Variants in FAT3 observed in about 807,000 individuals in gnomAD.
The protein encoded by FAT3 is protocadherin Fat 3.
FAT3 carries 95 observed loss-of-function variants against 310.2 expected under a neutral mutation model. The ratio of observed to expected loss-of-function variants is 0.31; its 90% CI spans 0.26 to 0.36. The LOEUF (loss-of-function observed/expected upper bound fraction) is 0.36, where lower values mean the gene tolerates loss of function less well. Ranked by LOEUF, FAT3 falls within the 10% of genes least tolerant of loss-of-function variation. The probability of loss-of-function intolerance (pLI) is 1.00; values close to 1 mark genes in which losing one functional copy is unlikely to be tolerated. For synonymous variants in FAT3, 2,314 were observed against 2,192.9 expected (o/e 1.06, Z -1.54); for missense variants, 5,408 against 5,715.6 (o/e 0.95, Z 1.74).
rs578017085 is a variant in FAT3, at chr11:92,331,422, C to T, written c.-17-20674C>T. 1.1e-4 allele frequency among the ~76,000 whole-genome samples: 16 copies of T among 151,922 alleles called. No individual in the cohort carries two copies. The East Asian group carries it at 1.4e-3, about 13-fold the overall frequency. ...TGTTTAACAAAATAAAGGCTTGTGG[C>T]AGAAGCACATGAAATGCAGATAATG... is the stretch of plus-strand genomic sequence containing the variant. On this transcript the variant is annotated intron_variant, in intron 1 of 27. Transcript: ENST00000525166.
intron 2 of FAT3, among the ~76,000 whole-genome samples, chr11:92,453,221 G>A (rs17527367): frequency 0.032 from 4,901 of 152,300 alleles, 89 homozygotes; most frequent in African/African-American, 0.036. Flanking sequence ...CCTGGAGTCA[G>A]TGAATGAGTC....
At chr11:92,255,766 C>G (rs1412226230) in intron 1 of FAT3, among the ~76,000 whole-genome samples, 2 of 152,088 alleles carry the variant, frequency 1.3e-5, no homozygotes, top group African/African-American at 4.8e-5. Context: ...GGCGCAAGTG[C>G]TCAACATTTG....
chr11:92,548,497 A>G (rs954203016), intron 3 of FAT3, among the ~76,000 whole-genome samples: 1 of 152,226 alleles, frequency 6.6e-6, no homozygotes, highest in Non-Finnish European at 1.5e-5. Flanking sequence ...AAGAAAGGAA[A>G]TTCGCAAAAT....
chr11:92,674,792 G>T (rs1392620450), intron 3 of FAT3, among the ~76,000 whole-genome samples: 1 of 152,088 alleles, frequency 6.6e-6, no homozygotes, highest in East Asian at 1.9e-4. Context: ...GCCTCCCAAA[G>T]TGCTAGGATT....
intron 4 of FAT3, among the ~76,000 whole-genome samples, chr11:92,743,264 T>C (rs1396597012): frequency 2.0e-5 from 3 of 152,196 alleles, no homozygotes; most frequent in Non-Finnish European, 4.4e-5. Flanking sequence ...GGCCTTGGTG[T>C]TCTCCATGAC....
intron 2 of FAT3, among the ~76,000 whole-genome samples, chr11:92,369,763 C>T (rs1482654965): frequency 2.0e-5 from 3 of 152,086 alleles, no homozygotes; most frequent in Non-Finnish European, 4.4e-5. Flanking sequence ...AGGAGAATCG[C>T]TTGAACCTGG....
At chr11:92,555,718 G>A (rs2135453210) in intron 3 of FAT3, among the ~76,000 whole-genome samples, 1 of 152,316 alleles carries the variant, frequency 6.6e-6, no homozygotes, top group South Asian at 2.1e-4. Context: ...CTGGGTCAGA[G>A]CCCTGCTCAG....
chr11:92,310,720 T>G lies in FAT3; in HGVS notation c.-17-41376T>G, dbSNP rs575983646. On this transcript the variant is annotated intron_variant, in intron 1 of 27. Transcript: ENST00000525166. ...ATATACACATATAAGTTTCTGTAGT[T>G]GACGGGTAACACATGACCTGAAAAT... Among the ~76,000 whole-genome samples the G allele has an allele frequency of 3.5e-3, 533 of 152,116 alleles. 8 individuals are homozygous for G. The highest frequency in any genetic ancestry group is 9.6e-3 in the African/African-American group (398 of 41,526).
At chr11:92,387,931 G>A (rs111453672) in intron 2 of FAT3, among the ~76,000 whole-genome samples, 1 of 152,090 alleles carries the variant, frequency 6.6e-6, no homozygotes, top group Non-Finnish European at 1.5e-5. Flanking sequence ...TAGAGTAATT[G>A]TCCTGTCAAT....
intron 2 of FAT3, among the ~76,000 whole-genome samples, chr11:92,432,943 G>A (rs551039430): frequency 3.9e-5 from 6 of 152,210 alleles, no homozygotes; most frequent in Non-Finnish European, 8.8e-5. Flanking sequence ...CAGAGAGGAG[G>A]AATCTAGAGA....
At chr11:92,876,350 C>T (rs1949534742) in intron 22 of FAT3, among the ~76,000 whole-genome samples, 1 of 152,172 alleles carries the variant, frequency 6.6e-6, no homozygotes, top group Middle Eastern at 3.2e-3. Context: ...TCCCAGCTGC[C>T]TTCAACAATT....
At chr11:92,609,733 A>C (rs1329554855) in intron 3 of FAT3, among the ~76,000 whole-genome samples, 1 of 152,076 alleles carries the variant, frequency 6.6e-6, no homozygotes, top group Non-Finnish European at 1.5e-5. Flanking sequence ...TATAATATGA[A>C]AGTGTGTGTG....
At chr11:92,477,300 G>A (rs571132157) in intron 2 of FAT3, among the ~76,000 whole-genome samples, 8 of 152,170 alleles carry the variant, frequency 5.3e-5, no homozygotes, top group African/African-American at 4.8e-5. Context: ...TTTTGTCCAC[G>A]GCCTCCTGCT....
intron 2 of FAT3, among the ~76,000 whole-genome samples, chr11:92,442,746 C>T (rs1951104723): frequency 6.6e-6 from 1 of 152,062 alleles, no homozygotes; most frequent in South Asian, 2.1e-4. Context: ...ACCATATCAT[C>T]ACAACCCCCA....
chr11:92,639,926 G>A (rs1171374758), intron 3 of FAT3, among the ~76,000 whole-genome samples: 5 of 152,124 alleles, frequency 3.3e-5, no homozygotes, highest in Non-Finnish European at 4.4e-5. Context: ...TGTCGGCGAC[G>A]TCCATGGACA....
chr11:92,241,317 TA>T (rs1864662853), intron 1 of FAT3, among the ~76,000 whole-genome samples: 1 of 152,102 alleles, frequency 6.6e-6, no homozygotes, highest in Admixed American at 6.6e-5. Context: ...TTTTGCTTCT[TA>T]GCATTGCAGG....
intron 8 of FAT3, among the ~76,000 whole-genome samples, chr11:92,792,521 C>T (rs998840943): frequency 6.6e-6 from 1 of 152,158 alleles, no homozygotes; most frequent in Middle Eastern, 3.2e-3. Flanking sequence ...CACACACAGA[C>T]TGAGCACAGA....
At chr11:92,397,596 A>G (rs1269104011) in intron 2 of FAT3, among the ~76,000 whole-genome samples, 3 of 152,068 alleles carry the variant, frequency 2.0e-5, no homozygotes, top group Non-Finnish European at 4.4e-5. Context: ...TCCCCTTGCA[A>G]TGGACTCATA....
intron 3 of FAT3, among the ~76,000 whole-genome samples, chr11:92,525,320 A>G (rs542168893): frequency 4.6e-5 from 7 of 152,278 alleles, no homozygotes; most frequent in Admixed American, 4.6e-4. Flanking sequence ...CTCTACCTCT[A>G]GACACTTCTC....
Sources: gnomAD v4.1 joint callset for allele counts (sites outside exome capture counted in the v4.1 genomes callset) on GRCh38, gnomAD v4.1.1 for gene constraint, MANE v1.5 for transcripts, NCBI Gene and HGNC (gene_info 2026-07-23, HGNC 2026-07-21) for gene names.